The following MAST3 variants were observed in gnomAD, a reference collection of about 807,000 sequenced individuals.
The protein encoded by MAST3 is microtubule-associated serine/threonine-protein kinase 3.
MAST3 carries 43 observed loss-of-function variants against 127.0 expected under a neutral mutation model. The observed-to-expected ratio is 0.34, with a 90% confidence interval of 0.27 to 0.44. MAST3 has a LOEUF of 0.44. Among genes scored for constraint, MAST3 ranks in the 20% least tolerant of loss-of-function variants. The pLI, the probability that MAST3 is intolerant of heterozygous loss-of-function variation, is 1.00. For synonymous variants in MAST3, 785 were observed against 809.2 expected, an observed-to-expected ratio of 0.97 and a Z score of 0.51; for missense variants, 1,390 against 1,919.1, an observed-to-expected ratio of 0.72 and a Z score of 5.15.
At position 18,145,382 on chromosome 19, in the gene MAST3, A is replaced by G. The variant is rs1221980704; in HGVS notation, c.3039+153A>G. On this transcript the variant is annotated intron_variant, in intron 24 of 27. Transcript: ENST00000687212. This position sits in a 1 kb window ranked among gnomAD's most constrained non-coding sequence, Gnocchi z 5.9. ...TCTCGGTCCCTGTCATTTGGCAGGG[A>G]GGAGGTCAGATGAGAGAGACAAGGA... is the stretch of plus-strand genomic sequence containing the variant. 1.3e-5 allele frequency among the ~76,000 whole-genome samples: 2 copies of G among 152,066 alleles called. No homozygotes were observed. The highest frequency in any genetic ancestry group is 4.8e-5 in the African/African-American group (2 of 41,418).
chr19:18,121,943 G>A, intron 5 of MAST3, 21 bp downstream of exon 5: 2 of 1,613,946 alleles, frequency 1.2e-6, no homozygotes, highest in Non-Finnish European at 1.7e-6. Context: ...GCCGGCTTTG[G>A]GAGACAGTGC....
Position 18,144,947 on chromosome 19 carries a change from G to T in MAST3, c.2813-56G>T. 9.6e-7 allele frequency: 1 copy of T among 1,038,984 alleles called. No individual in the cohort carries two copies. The allele number at this position is 1,038,984 out of a possible 1,614,324, so 64.4% of individuals were successfully genotyped here. A position where few individuals can be genotyped will look rare whatever the true frequency, so the allele number is the denominator to read the frequency against. ...GGTGGTCGTTGTGGTGGGAAAGAGG[G>T]GGCCCCAGGGGAGACCTGTGAGGGA... is the stretch of plus-strand genomic sequence containing the variant. On this transcript the variant is annotated intron_variant, in intron 23 of 27. Transcript: ENST00000687212. This position sits in a 1 kb window ranked among gnomAD's most constrained non-coding sequence, Gnocchi z 4.0.
rs16982210 is a variant in MAST3, at chr19:18,134,696, G to A, written c.1689G>A (p.Glu563=). 3.2e-3 allele frequency: 5,188 copies of A among 1,613,818 alleles called. 152 individuals are homozygous for A. In the African/African-American group the frequency reaches 0.06, roughly 19 times the overall value. The change falls in exon 16 of 28, where the codon GAG becomes GAA. Residue 563 remains glutamate, a synonymous_variant. Coordinates refer to ENST00000687212, the MANE Select transcript of MAST3 (RefSeq NM_001393504.1). The part of the protein sequence containing the change: ...YEGHIEKDAR[E]FIDKQVCGTP... ...GCCACATCGAGAAGGACGCCCGAGA[G>A]TTCATCGACAAGCAGGTGGGCGGGC... is the stretch of plus-strand genomic sequence containing the variant.
At chr19:18,146,375 G>T (rs1193449158) in intron 25 of MAST3, among the ~76,000 whole-genome samples, 1 of 152,188 alleles carries the variant, frequency 6.6e-6, no homozygotes, top group Non-Finnish European at 1.5e-5. Context: ...GGCCGAGGAG[G>T]TTGAGGCCAT....
intron 11 of MAST3, among the ~76,000 whole-genome samples, chr19:18,126,514 G>A (rs2040639639): frequency 6.6e-6 from 1 of 152,328 alleles, no homozygotes; most frequent in East Asian, 1.9e-4. Flanking sequence ...GCTCACACTT[G>A]TAATCCCAGC....
At chr19:18,126,058 C>CAA (rs200967573) in intron 11 of MAST3, among the ~76,000 whole-genome samples, 11 of 145,892 alleles carry the variant, frequency 7.5e-5, no homozygotes, top group Non-Finnish European at 1.2e-4. Flanking sequence ...GCCTACATTT[C>CAA]AAAAAAAAAA....
intron 11 of MAST3, among the ~76,000 whole-genome samples, chr19:18,126,761 C>T (rs12974657): frequency 0.63 from 96,324 of 151,826 alleles, 31,470 homozygotes; most frequent in East Asian, 0.85. Flanking sequence ...ATAGCAAGAC[C>T]CCATCTCTAC....
intron 7 of MAST3, 66 bp downstream of exon 7, chr19:18,123,440 GCTC>G: frequency 6.6e-7 from 1 of 1,526,360 alleles, no homozygotes; most frequent in South Asian, 1.2e-5. Flanking sequence ...CCAAGTTGTG[GCTC>G]CTCCTTCACC....
At chr19:18,134,517 C>G (rs1391528373) in intron 15 of MAST3, 62 bp from the exon 16 acceptor site, 4 of 1,544,638 alleles carry the variant, frequency 2.6e-6, no homozygotes, top group Non-Finnish European at 3.5e-6. Flanking sequence ...AGGTCTAGGG[C>G]AGAAGGGGAG....
intron 15 of MAST3, 24 bp from the exon 16 acceptor site, chr19:18,134,555 A>G: frequency 6.3e-7 from 1 of 1,594,832 alleles, no homozygotes; most frequent in South Asian, 1.1e-5. Context: ...CCCAGCTCTG[A>G]GCACACTCCT....
intron 3 of MAST3, among the ~76,000 whole-genome samples, chr19:18,119,276 G>C (rs886218378): frequency 7.2e-5 from 11 of 152,214 alleles, no homozygotes; most frequent in Non-Finnish European, 1.5e-4. Context: ...AATGCTTTTG[G>C]AAGCAGCAAG....
intron 13 of MAST3, among the ~76,000 whole-genome samples, chr19:18,129,995 A>T (rs1470701885): frequency 6.6e-6 from 1 of 151,050 alleles, no homozygotes; most frequent in Non-Finnish European, 1.5e-5. Context: ...CTCGCCTATA[A>T]TCCCAGCACT....
chr19:18,134,569 C>T lies in MAST3; in HGVS notation c.1572-10C>T. 6.2e-7 allele frequency: 1 copy of T among 1,608,518 alleles called. No individual in the cohort carries two copies. Reference sequence around the variant, plus strand: ...CCCCAGCTCTGAGCACACTCCTAACCTGCCCACAGTCTGCTCATCACCTCG... The same window carrying T: ...CCCCAGCTCTGAGCACACTCCTAACTTGCCCACAGTCTGCTCATCACCTCG... On this transcript the variant is annotated splice_polypyrimidine_tract_variant and intron_variant, in intron 15 of 27. Transcript: ENST00000687212.
At position 18,134,923 on chromosome 19, in the gene MAST3, T is replaced by C. The variant is rs2041730538; in HGVS notation, c.1811T>C (p.Val604Ala). 6.2e-7 allele frequency: 1 copy of C among 1,613,816 alleles called. No individual in the cohort carries two copies. The highest frequency in any genetic ancestry group is 8.5e-7 in the Non-Finnish European group (1 of 1,179,880). The change falls in exon 17 of 28, where the codon GTG becomes GCG. Residue 604 changes from valine to alanine, a missense_variant. By Grantham distance (64) the Val-to-Ala change is moderately conservative. Coordinates refer to ENST00000687212, the MANE Select transcript of MAST3 (RefSeq NM_001393504.1). Reference sequence around the variant, plus strand: ...GGCGTCGTCCTCTATGAGTTTCTGGTGGGCTGCGTGCCTTTCTTTGGAGAT... The same window carrying C: ...GGCGTCGTCCTCTATGAGTTTCTGGCGGGCTGCGTGCCTTTCTTTGGAGAT... ...AMGVVLYEFLVGCVPFFGDTP... is the reference protein window; with the variant it reads ...AMGVVLYEFLAGCVPFFGDTP...
chr19:18,108,516 C>T (rs1225203475), intron 2 of MAST3, among the ~76,000 whole-genome samples: 1 of 151,988 alleles, frequency 6.6e-6, no homozygotes, highest in Non-Finnish European at 1.5e-5. Flanking sequence ...TGAGACTACA[C>T]ATGCGAGCCT....
chr19:18,133,979 G>A (rs1257721663), intron 15 of MAST3, among the ~76,000 whole-genome samples: 2 of 152,198 alleles, frequency 1.3e-5, no homozygotes, highest in South Asian at 2.1e-4. Flanking sequence ...GTATGAAGTC[G>A]CATTTCCGTG....
In MAST3 at chr19:18,149,475, C is replaced by G. The variant is rs2043369067; in HGVS notation, c.3793C>G (p.Leu1265Val). The change falls in exon 28 of 28, where the codon CTG becomes GTG. Residue 1265 changes from leucine to valine, a missense_variant. This residue lies in a region of MAST3 where 816 missense variants were observed against 934.1 expected (regional missense o/e 0.87). Transcript: ENST00000687212. The surrounding 1 kb of genome is among the most constrained non-coding windows in gnomAD (Gnocchi z 5.9). ...RLRRGQSADKLGTGERLDGEA... is the reference protein window; with the variant it reads ...RLRRGQSADKVGTGERLDGEA... ...GCGCCGGGGCCAGTCAGCTGACAAG[C>G]TGGGCACAGGGGAGCGGCTGGATGG... is the stretch of plus-strand genomic sequence containing the variant. 5.8e-6 allele frequency: 9 copies of G among 1,541,836 alleles called. No homozygotes were observed. Among genetic ancestry groups the G allele is most frequent in the Non-Finnish European group, 7.9e-6 (9 of 1,144,028 alleles).
chr19:18,139,882 T>C (rs10415434), intron 20 of MAST3, among the ~76,000 whole-genome samples: 137,259 of 142,790 alleles, frequency 0.96, 66,004 homozygotes, highest in African/African-American at 0.98. Context: ...TGCAGTGGCG[T>C]GATCTCTGCT....
rs1312214038 is a variant in MAST3 at position 18,123,945 on chromosome 19, G to A, written c.640G>A (p.Ala214Thr). 2 of 1,565,144 alleles carry A rather than the reference G, an allele frequency of 1.3e-6. No homozygotes were observed. The highest frequency in any genetic ancestry group is 1.7e-6 in the Non-Finnish European group (2 of 1,160,572). The change falls in exon 9 of 28, where the codon GCA (alanine) becomes ACA (threonine). Residue 214 changes from alanine (A) to threonine (T), a missense_variant. Around this residue, in one of 5 missense-constraint regions of MAST3, gnomAD observed 277 missense variants for 384.8 expected, o/e 0.72. Transcript: ENST00000687212. ...VYRERFPKAT[A>T]QMEGRLQEFL... The stretch of plus-strand genomic sequence containing the variant: ...CCCGTCTCGCCCCACCCAGGCCACA[G>A]CACAGATGGAGGGCCGTCTGCAGGA...
Sources: allele counts gnomAD v4.1 joint callset (sites outside exome capture counted in the v4.1 genomes callset), GRCh38; gene constraint gnomAD v4.1.1; regional missense constraint gnomAD v4.1.1; non-coding constraint Gnocchi (gnomAD v3.1); transcripts MANE v1.5; gene names NCBI Gene and HGNC (gene_info 2026-07-23, HGNC 2026-07-21).